HIPK2: variants seen among roughly 807,000 people sequenced by gnomAD.
The protein encoded by HIPK2 is homeodomain interacting protein kinase 2.
Under a neutral mutation model 113.7 loss-of-function variants are expected in HIPK2, and 27 were observed. The observed-to-expected ratio is 0.24, with a 90% CI of 0.17 to 0.33. The LOEUF (loss-of-function observed/expected upper bound fraction) is 0.33, where lower values mean the gene tolerates loss of function less well. Among genes scored for constraint, HIPK2 ranks in the 10% least tolerant of loss-of-function variants. HIPK2 has a pLI of 1.00. For synonymous variants in HIPK2, 631 were observed against 642.2 expected (o/e 0.98, Z 0.26); for missense variants, 1,257 against 1,588.0 (o/e 0.79, Z 3.54).
chr7:139,748,023 G>A (rs1314502404), intron 1 of HIPK2, among the ~76,000 whole-genome samples: 1 of 151,984 alleles, frequency 6.6e-6, no homozygotes, highest in Non-Finnish European at 1.5e-5. Context: ...AAACTTGCAG[G>A]TGGCCAATTT....
Position 139,563,830 on chromosome 7 carries a change from T to C in HIPK2, c.*9097A>G. The C allele has an allele frequency of 2.5e-6, 1 of 398,618 alleles. No individual in the cohort carries two copies. 24.7% of individuals were successfully genotyped at this position (398,618 alleles called of 1,614,324 possible). On this transcript the variant is annotated 3_prime_UTR_variant, in exon 15 of 15. Transcript: ENST00000406875. ...CCCTGGTCCCAGGTGTTTTGCAGTT[T>C]TCAAGGTCTTATCTGCTAAAGGAAT... is the stretch of plus-strand genomic sequence containing the variant.
chr7:139,698,220 G>A (rs904222096), intron 2 of HIPK2, among the ~76,000 whole-genome samples: 60 of 152,320 alleles, frequency 3.9e-4, no homozygotes, highest in African/African-American at 1.3e-3. Context: ...CATACGATAC[G>A]TGTATGCCTT....
At chr7:139,606,278 C>T (rs1471790036) in intron 9 of HIPK2, among the ~76,000 whole-genome samples, 1 of 152,112 alleles carries the variant, frequency 6.6e-6, no homozygotes, top group African/African-American at 2.4e-5. Context: ...TTTTTTCTGA[C>T]TTCTTAATAC....
At chr7:139,673,754 T>G (rs185867555) in intron 2 of HIPK2, among the ~76,000 whole-genome samples, 4 of 151,834 alleles carry the variant, frequency 2.6e-5, no homozygotes, top group African/African-American at 9.7e-5. Context: ...GTTAAAAAAT[T>G]TGCTGACTTT....
At chr7:139,679,115 G>A (rs756139005) in intron 2 of HIPK2, among the ~76,000 whole-genome samples, 14 of 152,194 alleles carry the variant, frequency 9.2e-5, no homozygotes, top group Non-Finnish European at 4.4e-5. Flanking sequence ...AAAGAGAGAC[G>A]ATTTGATTTC....
intron 2 of HIPK2, among the ~76,000 whole-genome samples, chr7:139,656,830 C>A (rs1336999664): frequency 6.6e-6 from 1 of 152,174 alleles, no homozygotes; most frequent in Non-Finnish European, 1.5e-5. Flanking sequence ...CTCTCCTTCT[C>A]TTATTCAAAT....
chr7:139,604,149 G>A lies in HIPK2; in HGVS notation c.2187C>T (p.His729=), dbSNP rs775600759. 1.2e-6 allele frequency: 2 copies of A among 1,613,992 alleles called. No individual in the cohort carries two copies. Among genetic ancestry groups the A allele is most frequent in the South Asian group, 1.1e-5 (1 of 91,088 alleles). Residue 729 remains histidine, a synonymous_variant, in exon 10 of 15, where the codon CAC becomes CAT. Coordinates refer to ENST00000406875, the MANE Select transcript of HIPK2 (RefSeq NM_022740.5). Reference sequence around the variant, plus strand: ...TCACGGTGGCATGCTGCACTGATGTGTGGGTGGCCACTCCAGTCAGTTGCT... The same window carrying A: ...TCACGGTGGCATGCTGCACTGATGTATGGGTGGCCACTCCAGTCAGTTGCT... ...AWQQLTGVAT[H]TSVQHATVIP...
At chr7:139,770,540 G>T (rs1295329523) in intron 1 of HIPK2, among the ~76,000 whole-genome samples, 1 of 152,200 alleles carries the variant, frequency 6.6e-6, no homozygotes, top group Admixed American at 6.5e-5. Flanking sequence ...CAAACCCTTT[G>T]TTCTTCAAGA....
At chr7:139,735,866 G>T (rs1396178971) in intron 1 of HIPK2, among the ~76,000 whole-genome samples, 3 of 152,206 alleles carry the variant, frequency 2.0e-5, no homozygotes, top group African/African-American at 7.2e-5. Flanking sequence ...ACCTGGGATA[G>T]TGTGCAGATA....
chr7:139,711,092 T>A (rs1482785207), intron 2 of HIPK2, among the ~76,000 whole-genome samples: 1 of 150,580 alleles, frequency 6.6e-6, no homozygotes, highest in Non-Finnish European at 1.5e-5. Context: ...AAAACCACCA[T>A]GAAATCAACT....
At chr7:139,673,712 T>C (rs1392192828) in intron 2 of HIPK2, among the ~76,000 whole-genome samples, 2 of 151,852 alleles carry the variant, frequency 1.3e-5, no homozygotes, top group Non-Finnish European at 2.9e-5. Context: ...CTTTTTAAAA[T>C]TGGCACAGAG....
At chr7:139,633,880 G>A (rs975463490) in intron 2 of HIPK2, among the ~76,000 whole-genome samples, 1 of 151,948 alleles carries the variant, frequency 6.6e-6, no homozygotes, top group Non-Finnish European at 1.5e-5. Flanking sequence ...AGGAGGCAGA[G>A]GCTGCAGTGA....
rs114755568 is a variant in HIPK2, at chr7:139,755,449, T to C, written c.19+22156A>G. On this transcript the variant is annotated intron_variant, in intron 1 of 14. Coordinates refer to ENST00000406875, the MANE Select transcript of HIPK2 (RefSeq NM_022740.5). ...TTGAAGCTAAAAGCATCTTAACCAA[T>C]AATCTACTAATAAACAGACCATGAA... 2.7e-3 allele frequency among the ~76,000 whole-genome samples: 414 copies of C among 152,334 alleles called. 4 individuals are homozygous for C. Among genetic ancestry groups the C allele is most frequent in the African/African-American group, 9.5e-3 (395 of 41,566 alleles).
chr7:139,666,770 A>G (rs1055362064), intron 2 of HIPK2, among the ~76,000 whole-genome samples: 49 of 152,200 alleles, frequency 3.2e-4, no homozygotes, highest in African/African-American at 1.1e-3. Context: ...AATTTAAAAA[A>G]TCCACATTCT....
intron 1 of HIPK2, among the ~76,000 whole-genome samples, chr7:139,745,838 A>T (rs527937608): frequency 1.3e-5 from 2 of 152,228 alleles, no homozygotes; most frequent in African/African-American, 4.8e-5. Flanking sequence ...GGACTCAGTA[A>T]ATGTTTACTG....
intron 1 of HIPK2, among the ~76,000 whole-genome samples, chr7:139,746,480 C>T (rs1796192434): frequency 6.6e-6 from 1 of 152,130 alleles, no homozygotes; most frequent in Admixed American, 6.5e-5. Context: ...GAAAAGACAG[C>T]GACTGTGCTG....
chr7:139,665,329 G>C (rs1438316728), intron 2 of HIPK2, among the ~76,000 whole-genome samples: 1 of 152,204 alleles, frequency 6.6e-6, no homozygotes, highest in Admixed American at 6.5e-5. Context: ...GTGACCCGCT[G>C]TGCCCAGAAG....
intron 2 of HIPK2, among the ~76,000 whole-genome samples, chr7:139,645,627 G>A (rs996767752): frequency 6.6e-6 from 1 of 152,178 alleles, no homozygotes; most frequent in African/African-American, 2.4e-5. Flanking sequence ...GTAAGTACAG[G>A]ATGCGGCCTG....
chr7:139,578,524 A>G (rs1798564740), intron 13 of HIPK2, among the ~76,000 whole-genome samples: 1 of 152,226 alleles, frequency 6.6e-6, no homozygotes, highest in Non-Finnish European at 1.5e-5. Flanking sequence ...TAAGAGAGAA[A>G]GGTAATGAGT....
Sources: allele counts gnomAD v4.1 joint callset (sites outside exome capture counted in the v4.1 genomes callset), GRCh38; gene constraint gnomAD v4.1.1; transcripts MANE v1.5; gene names NCBI Gene and HGNC (gene_info 2026-07-23, HGNC 2026-07-21).